The following PRELID2 variants were observed in gnomAD, a reference collection of about 807,000 sequenced individuals.
PRELID2 encodes PRELI domain-containing protein 2.
In PRELID2, 25 loss-of-function variants were observed where a neutral mutation model predicts 28.4. The observed-to-expected ratio is 0.88, with a 90% CI of 0.64 to 1.23. The LOEUF (loss-of-function observed/expected upper bound fraction) is 1.23, where lower values mean the gene tolerates loss of function less well. Ranked by LOEUF, PRELID2 falls within the 50% of genes most tolerant of loss-of-function variation. The probability of loss-of-function intolerance (pLI) is 0.00; values close to 1 mark genes in which losing one functional copy is unlikely to be tolerated. For synonymous variants in PRELID2, 76 were observed against 71.6 expected (o/e 1.06, Z -0.31); for missense variants, 201 against 214.4 (o/e 0.94, Z 0.39).
the PRELID2 span, among the ~76,000 whole-genome samples, chr5:145,452,879 G>A: frequency 6.6e-6 from 1 of 152,188 alleles, no homozygotes; most frequent in Non-Finnish European, 1.5e-5. Flanking sequence ...AAGATATAAG[G>A]GGCCATTTCC....
At chr5:145,439,488 A>G in the PRELID2 span, among the ~76,000 whole-genome samples, 1 of 152,000 alleles carries the variant, frequency 6.6e-6, no homozygotes, top group African/African-American at 2.4e-5. Flanking sequence ...TTTACAGGAG[A>G]TTCAGATTAT....
chr5:145,835,136 G>A, intron 1 of PRELID2, 41 bp downstream of exon 1: 3 of 1,418,360 alleles, frequency 2.1e-6, no homozygotes, highest in Non-Finnish European at 2.9e-6. Context: ...GGCAAGCAGC[G>A]GAGGCAGCGC....
the PRELID2 span, among the ~76,000 whole-genome samples, chr5:145,445,204 T>C: frequency 1.3e-5 from 2 of 151,866 alleles, no homozygotes; most frequent in African/African-American, 4.8e-5. Flanking sequence ...TGGAACAAAA[T>C]AGAGAACCCA....
chr5:145,835,313 C>A lies in PRELID2; in HGVS notation c.-62G>T. 2 of 1,213,984 alleles carry A rather than the reference C, an allele frequency of 1.6e-6. No homozygotes were observed. Among genetic ancestry groups the A allele is most frequent in the East Asian group, 2.6e-5 (1 of 38,558 alleles). 75.2% of individuals were successfully genotyped at this position (1,213,984 alleles called of 1,614,324 possible). A position where few individuals can be genotyped will look rare whatever the true frequency, so the allele number is the denominator to read the frequency against. Reference sequence around the variant, plus strand: ...TCCGCGAGCTCAGAGCTGCCCAGGGCTCCGCAGAGGCCCGGAGGCGCCCAC... The same window carrying A: ...TCCGCGAGCTCAGAGCTGCCCAGGGATCCGCAGAGGCCCGGAGGCGCCCAC... On this transcript the variant is annotated 5_prime_UTR_variant, in exon 1 of 7. Transcript: ENST00000683046.
At chr5:145,675,934 TGTG>T (rs1754804304) in intron 1 of PRELID2, among the ~76,000 whole-genome samples, 1 of 152,124 alleles carries the variant, frequency 6.6e-6, no homozygotes, top group African/African-American at 2.4e-5. Context: ...AAAACAATAA[TGTG>T]GGGCTGGGCG....
chr5:145,745,087 C>T (rs1013907377), intron 1 of PRELID2, among the ~76,000 whole-genome samples: 15 of 151,652 alleles, frequency 9.9e-5, no homozygotes, highest in African/African-American at 3.4e-4. Context: ...ATAGCTGAAT[C>T]GACCAAGCAG....
At chr5:145,376,199 T>C in the PRELID2 span, among the ~76,000 whole-genome samples, 6 of 152,202 alleles carry the variant, frequency 3.9e-5, no homozygotes, top group Admixed American at 2.6e-4. Flanking sequence ...ATCACATTTA[T>C]TGACTTGTGT....
the PRELID2 span, among the ~76,000 whole-genome samples, chr5:145,408,463 T>A: frequency 6.8e-6 from 1 of 146,176 alleles, no homozygotes; most frequent in Non-Finnish European, 1.5e-5. Context: ...TATATATGTA[T>A]AATATATATA....
chr5:145,671,405 A>T (rs1423355060), intron 1 of PRELID2, among the ~76,000 whole-genome samples: 1 of 152,134 alleles, frequency 6.6e-6, no homozygotes, highest in Non-Finnish European at 1.5e-5. Context: ...AGATTCTCTG[A>T]ATTAAAAAAT....
chr5:145,741,888 A>G (rs1182743328), intron 1 of PRELID2, among the ~76,000 whole-genome samples: 1 of 127,012 alleles, frequency 7.9e-6, no homozygotes, highest in East Asian at 2.4e-4. Flanking sequence ...TTTAACAAAT[A>G]AATAATTTAA....
Position 145,678,153 on chromosome 5 carries a change from G to T in PRELID2, n.70+86778C>A, listed in dbSNP as rs540489883. ...TTGATGCTGAGGGTAAAGAGGCTTG[G>T]GTTGTTCTGAACTAATTAGGCCAGC... On this transcript the variant is annotated intron_variant and non_coding_transcript_variant, in intron 1 of 2. Transcript: ENST00000510259. 4.6e-5 allele frequency among the ~76,000 whole-genome samples: 7 copies of T among 152,232 alleles called. No individual in the cohort carries two copies. The South Asian group carries it at 1.4e-3, about 32-fold the overall frequency.
At chr5:145,446,021 A>G in the PRELID2 span, among the ~76,000 whole-genome samples, 1 of 152,054 alleles carries the variant, frequency 6.6e-6, no homozygotes, top group African/African-American at 2.4e-5. Flanking sequence ...AAACGATACA[A>G]AATTATAGCT....
At chr5:145,247,342 T>C in the PRELID2 span, among the ~76,000 whole-genome samples, 3 of 150,696 alleles carry the variant, frequency 2.0e-5, no homozygotes, top group Non-Finnish European at 4.4e-5. Context: ...CACAGTCAAC[T>C]CTGTGAATTA....
At chr5:145,322,991 A>C in the PRELID2 span, among the ~76,000 whole-genome samples, 1 of 152,296 alleles carries the variant, frequency 6.6e-6, no homozygotes, top group African/African-American at 2.4e-5. Context: ...AAATAAATGA[A>C]TAAATGAATA....
chr5:145,717,344 ATGGC>A (rs1755870988), intron 1 of PRELID2, among the ~76,000 whole-genome samples: 1 of 152,118 alleles, frequency 6.6e-6, no homozygotes, highest in Non-Finnish European at 1.5e-5. Flanking sequence ...GACAGTAGTT[ATGGC>A]TGGTTGCTCA....
chr5:145,253,838 C>CA, the PRELID2 span, among the ~76,000 whole-genome samples: 1,321 of 142,378 alleles, frequency 9.3e-3, 15 homozygotes, highest in East Asian at 0.033. Context: ...CTAAAAAAAA[C>CA]AAAAAAAACA....
At chr5:145,561,301 C>G (rs7731293) in intron 1 of PRELID2, among the ~76,000 whole-genome samples, 29,342 of 152,098 alleles carry the variant, frequency 0.19, 2,990 homozygotes, top group South Asian at 0.35. Context: ...AAGAGCAGCA[C>G]TTTTTTCTTC....
At chr5:145,520,059 C>A (rs1752550839) in intron 1 of PRELID2, among the ~76,000 whole-genome samples, 1 of 152,158 alleles carries the variant, frequency 6.6e-6, no homozygotes, top group South Asian at 2.1e-4. Context: ...TAGTGAGAAC[C>A]TAGAATATCT....
chr5:145,484,749 C>T (rs781428032), intron 1 of PRELID2, among the ~76,000 whole-genome samples: 1 of 152,206 alleles, frequency 6.6e-6, no homozygotes, highest in Non-Finnish European at 1.5e-5. Context: ...TAAGAAAAAA[C>T]TACCTCTTTT....
Sources: allele counts gnomAD v4.1 joint callset (sites outside exome capture counted in the v4.1 genomes callset), GRCh38; gene constraint gnomAD v4.1.1; transcripts MANE v1.5; gene names NCBI Gene and HGNC (gene_info 2026-07-23, HGNC 2026-07-21).